Variants in UNC13C observed in about 807,000 individuals in gnomAD.
UNC13C encodes unc-13 homolog C, also known as protein unc-13 homolog C.
In UNC13C, 174 loss-of-function variants were observed where a neutral mutation model predicts 245.4. That is an observed-to-expected ratio of 0.71 (90% CI 0.63 to 0.80). UNC13C has a LOEUF of 0.80. Ranked by LOEUF, UNC13C falls within the 30% of genes least tolerant of loss-of-function variation. The pLI is 0.00. For synonymous variants in UNC13C, 992 were observed against 895.1 expected, an observed-to-expected ratio of 1.11 and a Z score of -1.93; for missense variants, 2,829 against 2,602.9, an observed-to-expected ratio of 1.09 and a Z score of -1.89.
chr15:53,929,964 C>T, the UNC13C span, among the ~76,000 whole-genome samples: 1 of 152,160 alleles, frequency 6.6e-6, no homozygotes, highest in Non-Finnish European at 1.5e-5. Context: ...TAACAAACTA[C>T]TCATAACAAA....
At position 54,627,104 on chromosome 15, in the gene UNC13C, G is replaced by GC. The variant is rs1566948218; in HGVS notation, c.6636_6637insC (p.Ser2213GlnfsTer17). ...AATCTGAAACAAGATCTACTGAAGAGAGTGCTTGAAACAAACACTGCAAGC... is the reference window on the plus strand; with the variant it reads ...AATCTGAAACAAGATCTACTGAAGAGCAGTGCTTGAAACAAACACTGCAAGC... On this transcript the variant is annotated frameshift_variant, in exon 33 of 33. Coordinates refer to ENST00000260323, the MANE Select transcript of UNC13C (RefSeq NM_001080534.3). LOFTEE classifies it high-confidence loss of function. 1.2e-6 allele frequency: 2 copies of GC among 1,608,836 alleles called. No homozygotes were observed. Among genetic ancestry groups the GC allele is most frequent in the African/African-American group, 2.7e-5 (2 of 74,742 alleles).
intron 10 of UNC13C, among the ~76,000 whole-genome samples, chr15:54,291,305 A>G (rs1395752666): frequency 6.6e-6 from 1 of 151,964 alleles, no homozygotes; most frequent in Non-Finnish European, 1.5e-5. Flanking sequence ...TCCAGACACA[A>G]TGTCATGGAT....
intron 1 of UNC13C, among the ~76,000 whole-genome samples, chr15:53,992,027 T>C (rs1460707976): frequency 1.3e-5 from 2 of 152,072 alleles, no homozygotes; most frequent in East Asian, 3.9e-4. Flanking sequence ...AGACTTATTA[T>C]CCCTTTCTCT....
intron 2 of UNC13C, among the ~76,000 whole-genome samples, chr15:54,106,332 G>A (rs1900443542): frequency 6.6e-6 from 1 of 152,122 alleles, no homozygotes; most frequent in Non-Finnish European, 1.5e-5. Context: ...CATTACTGAT[G>A]TTCAAGTCTT....
intron 13 of UNC13C, among the ~76,000 whole-genome samples, chr15:54,304,537 C>A (rs1207542995): frequency 6.6e-6 from 1 of 151,878 alleles, no homozygotes; most frequent in African/African-American, 2.4e-5. Context: ...TTCCTCCCAG[C>A]CCTTGCAGAT....
chr15:54,454,026 C>T (rs1891331828), intron 19 of UNC13C, among the ~76,000 whole-genome samples: 1 of 151,902 alleles, frequency 6.6e-6, no homozygotes, highest in South Asian at 2.1e-4. Flanking sequence ...AAATATGTTG[C>T]CTTGTGTCTG....
At chr15:54,111,697 G>A (rs993396287) in intron 2 of UNC13C, among the ~76,000 whole-genome samples, 1 of 152,172 alleles carries the variant, frequency 6.6e-6, no homozygotes, top group African/African-American at 2.4e-5. Flanking sequence ...CAACAGGAGA[G>A]GTCCCGCTCA....
chr15:54,143,664 T>C lies in UNC13C; in HGVS notation c.3051T>C (p.Ser1017=), dbSNP rs1423457545. 6 of 1,613,424 alleles carry C rather than the reference T, an allele frequency of 3.7e-6. No individual in the cohort carries two copies. Among genetic ancestry groups the C allele is most frequent in the Admixed American group, 1.7e-5 (1 of 59,990 alleles). The change falls in exon 4 of 33, where the codon TCT becomes TCC. Residue 1017 remains serine, a synonymous_variant. Coordinates refer to ENST00000260323, the MANE Select transcript of UNC13C (RefSeq NM_001080534.3). ...ATGATTTGGATGCTTCCAAATTTTCTGCACTCCAGGTGTGTGGTGGGTAAG... is the reference window on the plus strand; with the variant it reads ...ATGATTTGGATGCTTCCAAATTTTCCGCACTCCAGGTGTGTGGTGGGTAAG... ...SGNDLDASKF[S]ALQVCGGAGG...
chr15:54,338,588 AATTTCACATTAACTGCAAATTTGAG>A, intron 17 of UNC13C, 99 bp downstream of exon 17: 1 of 1,339,484 alleles, frequency 7.5e-7, no homozygotes, highest in Non-Finnish European at 1.0e-6. Context: ...ATGTTCATTT[AATTTCACATTAACTGCAAATTTGAG>A]AATTTCCATA....
At chr15:53,960,335 GTT>G in the UNC13C span, among the ~76,000 whole-genome samples, 42 of 143,652 alleles carry the variant, frequency 2.9e-4, no homozygotes, top group African/African-American at 9.7e-4. Flanking sequence ...TCTATATCAT[GTT>G]TTTTTTTTTT....
Position 54,627,059 on chromosome 15 carries a change from T to TAAAG in UNC13C, c.6594_6597dup (p.Phe2200ArgfsTer6). The TAAAG allele has an allele frequency of 1.2e-6, 2 of 1,613,106 alleles. No individual in the cohort carries two copies. The highest frequency in any genetic ancestry group is 1.7e-6 in the Non-Finnish European group (2 of 1,179,442). ...CTCAGAGGACCAGTGATGATGTGGC[T>TAAAG]AAAGAATTTGTAAGACTTAAATCTG... On this transcript the variant is annotated frameshift_variant, in exon 33 of 33. Coordinates refer to ENST00000260323, the MANE Select transcript of UNC13C (RefSeq NM_001080534.3). LOFTEE classifies it high-confidence loss of function.
chr15:54,185,218 G>A (rs2033937051), intron 4 of UNC13C, among the ~76,000 whole-genome samples: 1 of 151,860 alleles, frequency 6.6e-6, no homozygotes, highest in Non-Finnish European at 1.5e-5. Context: ...CATTCTGTAG[G>A]TTGCCTGTTC....
At chr15:54,281,141 A>T (rs979540339) in intron 10 of UNC13C, among the ~76,000 whole-genome samples, 14 of 152,180 alleles carry the variant, frequency 9.2e-5, no homozygotes, top group African/African-American at 3.4e-4. Flanking sequence ...CCATATACTT[A>T]TACAGACTGA....
At chr15:53,871,057 A>AAAT in the UNC13C span, among the ~76,000 whole-genome samples, 1 of 152,150 alleles carries the variant, frequency 6.6e-6, no homozygotes, top group East Asian at 1.9e-4. Context: ...ATTCTCATTT[A>AAAT]GTCTCCAAAA....
intron 4 of UNC13C, among the ~76,000 whole-genome samples, chr15:54,152,548 C>T (rs1042379955): frequency 1.3e-5 from 2 of 152,072 alleles, no homozygotes; most frequent in African/African-American, 4.8e-5. Context: ...TAATGCCTTC[C>T]AGATATTCTT....
At chr15:54,299,770 T>G (rs1036139291) in intron 12 of UNC13C, among the ~76,000 whole-genome samples, 5 of 152,136 alleles carry the variant, frequency 3.3e-5, no homozygotes, top group Non-Finnish European at 7.4e-5. Context: ...AGCTGCAGTG[T>G]AATAGAATCT....
intron 2 of UNC13C, among the ~76,000 whole-genome samples, chr15:54,059,677 A>G (rs1897713740): frequency 1.3e-5 from 2 of 152,270 alleles, no homozygotes; most frequent in South Asian, 4.1e-4. Context: ...TAAGCCAAAA[A>G]AACAAAGCTG....
At chr15:54,083,837 A>G (rs745343715) in intron 2 of UNC13C, among the ~76,000 whole-genome samples, 26 of 152,192 alleles carry the variant, frequency 1.7e-4, no homozygotes, top group Non-Finnish European at 3.2e-4. Flanking sequence ...TCTTGGGGGC[A>G]GAGATTTCCC....
chr15:54,627,169 T>C lies in UNC13C; in HGVS notation c.*56T>C. ...TAATTGTTTGACTACTGCATGCATG[T>C]GCAAATACATGGGAATGTTTAGTTC... On this transcript the variant is annotated 3_prime_UTR_variant, in exon 33 of 33. Transcript: ENST00000260323. 1 of 1,485,732 alleles carries C rather than the reference T, an allele frequency of 6.7e-7. No individual in the cohort carries two copies. Among genetic ancestry groups the C allele is most frequent in the Admixed American group, 2.0e-5 (1 of 49,694 alleles). The allele number at this position is 1,485,732 out of a possible 1,614,324, so 92.0% of individuals were successfully genotyped here. A position where few individuals can be genotyped will look rare whatever the true frequency, so the allele number is the denominator to read the frequency against.
Sources: allele counts gnomAD v4.1 joint callset (sites outside exome capture counted in the v4.1 genomes callset), GRCh38; gene constraint gnomAD v4.1.1; transcripts MANE v1.5; gene names NCBI Gene and HGNC (gene_info 2026-07-23, HGNC 2026-07-21).